Variants in CLSTN2 observed in about 807,000 individuals in gnomAD.
CLSTN2 encodes the protein calsyntenin-2.
CLSTN2 carries 48 observed loss-of-function variants against 101.2 expected under a neutral mutation model. The ratio of observed to expected loss-of-function variants is 0.47; its 90% CI spans 0.38 to 0.60. The LOEUF (loss-of-function observed/expected upper bound fraction) is 0.60, where lower values mean the gene tolerates loss of function less well. CLSTN2 is among the 20% of genes least tolerant of loss of function. The pLI, the probability that CLSTN2 is intolerant of heterozygous loss-of-function variation, is 0.00. For missense variants in CLSTN2, 1,160 were observed against 1,238.2 expected (o/e 0.94, Z 0.95); for synonymous variants, 481 against 463.6 (o/e 1.04, Z -0.48).
chr3:140,501,739 T>A (rs1934581142), intron 8 of CLSTN2, among the ~76,000 whole-genome samples: 1 of 152,222 alleles, frequency 6.6e-6, no homozygotes, highest in African/African-American at 2.4e-5. Flanking sequence ...AATGATTGTT[T>A]TTCTTTTTCT....
At chr3:140,459,174 C>T (rs1439312402) in intron 6 of CLSTN2, among the ~76,000 whole-genome samples, 1 of 152,178 alleles carries the variant, frequency 6.6e-6, no homozygotes, top group Non-Finnish European at 1.5e-5. Context: ...TGAGTGAATC[C>T]ATCCATCCAA....
At chr3:140,291,951 C>T (rs1236049984) in intron 2 of CLSTN2, among the ~76,000 whole-genome samples, 1 of 152,032 alleles carries the variant, frequency 6.6e-6, no homozygotes, top group Admixed American at 6.6e-5. Flanking sequence ...ACATGAGCCT[C>T]CTAACTGGTC....
At chr3:140,469,682 C>T (rs748127385) in intron 8 of CLSTN2, among the ~76,000 whole-genome samples, 2 of 152,156 alleles carry the variant, frequency 1.3e-5, no homozygotes, top group South Asian at 2.1e-4. Context: ...CTGGAGGGCA[C>T]GGTCGTGTCT....
intron 2 of CLSTN2, among the ~76,000 whole-genome samples, chr3:140,215,363 T>G (rs778483455): frequency 6.6e-6 from 1 of 152,256 alleles, no homozygotes; most frequent in Non-Finnish European, 1.5e-5. Context: ...AAACAGTTTC[T>G]TTGGTAAAAC....
At chr3:140,459,939 C>T (rs1933519545) in intron 7 of CLSTN2, among the ~76,000 whole-genome samples, 170 bp downstream of exon 7, 1 of 152,120 alleles carries the variant, frequency 6.6e-6, no homozygotes, top group South Asian at 2.1e-4. Flanking sequence ...GCTGATTTTC[C>T]AGGCTTGGCT....
chr3:140,169,473 T>C (rs1045959735), intron 1 of CLSTN2, among the ~76,000 whole-genome samples: 7 of 152,174 alleles, frequency 4.6e-5, no homozygotes, highest in African/African-American at 1.4e-4. Context: ...TCTTGCCTTA[T>C]TGCACTGGTT....
intron 8 of CLSTN2, among the ~76,000 whole-genome samples, chr3:140,512,921 T>C (rs780566033): frequency 1.8e-4 from 28 of 152,268 alleles, no homozygotes; most frequent in Middle Eastern, 3.4e-3. Context: ...GCTTGCATGT[T>C]GTTGGTGTAT....
chr3:140,233,243 T>G (rs1052776170), intron 2 of CLSTN2, among the ~76,000 whole-genome samples: 1 of 152,208 alleles, frequency 6.6e-6, no homozygotes. Flanking sequence ...CTAGCTTTTA[T>G]GCATTGCTCA....
intron 1 of CLSTN2, among the ~76,000 whole-genome samples, chr3:139,982,184 G>A (rs1009017333): frequency 2.0e-5 from 3 of 151,748 alleles, no homozygotes; most frequent in Non-Finnish European, 4.4e-5. Context: ...GTCTCTGTGT[G>A]GTTTGTTTTT....
At chr3:140,188,140 G>T (rs536307880) in intron 2 of CLSTN2, among the ~76,000 whole-genome samples, 1 of 152,194 alleles carries the variant, frequency 6.6e-6, no homozygotes, top group Non-Finnish European at 1.5e-5. Flanking sequence ...CTGAGTAGGT[G>T]CTCAAAGTTT....
At chr3:140,122,973 C>T (rs1022884255) in intron 1 of CLSTN2, among the ~76,000 whole-genome samples, 2 of 152,030 alleles carry the variant, frequency 1.3e-5, no homozygotes, top group Non-Finnish European at 2.9e-5. Flanking sequence ...GTAGTTAGTT[C>T]ATGAGTGTCT....
intron 1 of CLSTN2, among the ~76,000 whole-genome samples, chr3:140,140,196 C>T (rs576405659): frequency 6.6e-6 from 1 of 152,300 alleles, no homozygotes; most frequent in South Asian, 2.1e-4. Context: ...AGGCAGCCTA[C>T]ATCCTTTTAT....
chr3:139,960,883 C>A (rs906781867), intron 1 of CLSTN2, among the ~76,000 whole-genome samples: 3 of 152,146 alleles, frequency 2.0e-5, no homozygotes, highest in African/African-American at 7.2e-5. Flanking sequence ...AGGGTTACAT[C>A]TTTGAGAAAT....
chr3:140,337,688 G>T (rs1436431301), intron 2 of CLSTN2, among the ~76,000 whole-genome samples: 1 of 152,108 alleles, frequency 6.6e-6, no homozygotes, highest in Non-Finnish European at 1.5e-5. Flanking sequence ...CATGGGGCTG[G>T]CCTTGCCTTC....
chr3:140,455,661 C>T (rs1933381268), intron 6 of CLSTN2, among the ~76,000 whole-genome samples: 1 of 152,154 alleles, frequency 6.6e-6, no homozygotes, highest in Non-Finnish European at 1.5e-5. Flanking sequence ...TCCAAAGGAG[C>T]ATCTTAAATA....
intron 1 of CLSTN2, among the ~76,000 whole-genome samples, chr3:139,948,445 A>G (rs1935245403): frequency 6.6e-6 from 1 of 151,858 alleles, no homozygotes; most frequent in Non-Finnish European, 1.5e-5. Context: ...GGCTTGGGTG[A>G]CAGAGCGACT....
intron 2 of CLSTN2, among the ~76,000 whole-genome samples, chr3:140,262,665 T>C (rs1231516781): frequency 6.6e-6 from 1 of 152,124 alleles, no homozygotes; most frequent in African/African-American, 2.4e-5. Context: ...CTGACTGGTA[T>C]CTACATTATG....
intron 5 of CLSTN2, among the ~76,000 whole-genome samples, chr3:140,430,798 G>GA (rs1009658047): frequency 7.2e-5 from 11 of 152,308 alleles, no homozygotes; most frequent in Admixed American, 2.0e-4. Flanking sequence ...CATCCTGTGA[G>GA]ATAAGCAATT....
intron 2 of CLSTN2, among the ~76,000 whole-genome samples, chr3:140,251,883 A>G (rs1356741181): frequency 6.6e-6 from 1 of 152,138 alleles, no homozygotes; most frequent in Non-Finnish European, 1.5e-5. Context: ...TGGAAAGAGG[A>G]GGTTTCAAAA....
Sources: allele counts gnomAD v4.1 joint callset (sites outside exome capture counted in the v4.1 genomes callset), GRCh38; gene constraint gnomAD v4.1.1; transcripts MANE v1.5; gene names NCBI Gene and HGNC (gene_info 2026-07-23, HGNC 2026-07-21).